The following NALCN variants were observed in gnomAD, a reference collection of about 807,000 sequenced individuals.
The protein encoded by NALCN is sodium leak channel, non-selective.
A neutral mutation model predicts 225.3 loss-of-function variants in NALCN; 111 were observed. That is an observed-to-expected ratio of 0.49 (90% CI 0.42 to 0.58). The LOEUF is 0.58. Among genes scored for constraint, NALCN ranks in the 20% least tolerant of loss-of-function variants. NALCN has a pLI of 0.00. For synonymous variants in NALCN, 764 were observed against 769.0 expected, an observed-to-expected ratio of 0.99 and a Z score of 0.11; for missense variants, 1,378 against 2,202.4, an observed-to-expected ratio of 0.63 and a Z score of 7.49.
intron 7 of NALCN, among the ~76,000 whole-genome samples, chr13:101,313,723 C>G (rs1362882150): frequency 1.3e-5 from 2 of 152,182 alleles, no homozygotes; most frequent in Non-Finnish European, 2.9e-5. Flanking sequence ...GGACTATAAA[C>G]TAGTTCAACC....
chr13:101,241,738 C>T (rs952010102), intron 11 of NALCN, among the ~76,000 whole-genome samples: 31 of 152,240 alleles, frequency 2.0e-4, no homozygotes, highest in African/African-American at 6.7e-4. Context: ...CCACCATGCC[C>T]GGCCAGAGAT....
chr13:101,070,770 G>A (rs1034708644), intron 37 of NALCN, among the ~76,000 whole-genome samples: 4 of 152,180 alleles, frequency 2.6e-5, no homozygotes, highest in Non-Finnish European at 5.9e-5. Context: ...AGCACAGGCA[G>A]GGTAGATTTA....
rs2043578475 is a variant in NALCN, at chr13:101,292,147, G to A, written c.943-53C>T. ...CAAAGTCTAAGAATGACAAAGCAGA[G>A]GGCAACCAAAACCAAACAAAAGATC... On this transcript the variant is annotated intron_variant, in intron 8 of 43. Coordinates refer to ENST00000251127, the MANE Select transcript of NALCN (RefSeq NM_052867.4). This position sits in a 1 kb window ranked among gnomAD's most constrained non-coding sequence, Gnocchi z 4.3. The A allele has an allele frequency of 6.2e-7, 1 of 1,612,074 alleles. No individual in the cohort carries two copies. The highest frequency in any genetic ancestry group is 8.5e-7 in the Non-Finnish European group (1 of 1,178,834).
In NALCN at chr13:101,107,873, A is replaced by G. The variant is rs115332418; in HGVS notation, c.2365-84T>C. 4.3e-3 allele frequency: 3,638 copies of G among 849,684 alleles called. 91 individuals carry two copies. The African/African-American group carries it at 0.053, about 12-fold the overall frequency. The allele number at this position is 849,684 out of a possible 1,614,324, so 52.6% of individuals were successfully genotyped here. A position where few individuals can be genotyped will look rare whatever the true frequency, so the allele number is the denominator to read the frequency against. On this transcript the variant is annotated intron_variant, in intron 20 of 43. Transcript: ENST00000251127. ...TTATCAGTTAAAAAACTTAAAACTA[A>G]TATCTCCCTCAATATAAAGTATAAA...
At chr13:101,078,484 A>T (rs1327028694) in intron 34 of NALCN, among the ~76,000 whole-genome samples, 2 of 152,162 alleles carry the variant, frequency 1.3e-5, no homozygotes, top group African/African-American at 2.4e-5. Flanking sequence ...GAGTCAAAGG[A>T]GATTATTTTG....
chr13:101,381,624 T>G (rs984035977), intron 3 of NALCN, among the ~76,000 whole-genome samples: 1 of 152,132 alleles, frequency 6.6e-6, no homozygotes, highest in Non-Finnish European at 1.5e-5. Flanking sequence ...TACTTCCTTC[T>G]TTCCCTCAGC....
At chr13:101,397,508 G>A (rs1230762910) in intron 2 of NALCN, among the ~76,000 whole-genome samples, 1 of 150,780 alleles carries the variant, frequency 6.6e-6, no homozygotes, top group African/African-American at 2.4e-5. Flanking sequence ...TATGCGACAT[G>A]TATATATGTT....
intron 10 of NALCN, among the ~76,000 whole-genome samples, 162 bp downstream of exon 10, chr13:101,283,771 A>G (rs1324450329): frequency 5.3e-5 from 8 of 152,034 alleles, no homozygotes; most frequent in African/African-American, 1.7e-4. Context: ...AAAAAAAAAA[A>G]AGCTAGGTCC....
chr13:101,107,354 C>A, intron 22 of NALCN, 133 bp downstream of exon 22: 4 of 1,447,970 alleles, frequency 2.8e-6, no homozygotes, highest in Non-Finnish European at 3.7e-6. Flanking sequence ...CAAAGAGGAG[C>A]AGCATGATTA....
At chr13:101,122,330 CT>C (rs569920197) in intron 18 of NALCN, among the ~76,000 whole-genome samples, 1 of 152,014 alleles carries the variant, frequency 6.6e-6, no homozygotes, top group Non-Finnish European at 1.5e-5. Flanking sequence ...CAAATTATGG[CT>C]TTTTATTTCC....
chr13:101,345,575 G>C (rs938384345), intron 6 of NALCN, among the ~76,000 whole-genome samples, 155 bp from the exon 7 acceptor site: 7 of 151,556 alleles, frequency 4.6e-5, no homozygotes, highest in Non-Finnish European at 8.8e-5. Flanking sequence ...ATAGGCAGGA[G>C]AATCCCTTGA....
rs535525944 is a variant in NALCN, at chr13:101,340,654, A to G, written c.799+4612T>C. 3.9e-5 allele frequency among the ~76,000 whole-genome samples: 6 copies of G among 152,322 alleles called. No homozygotes were observed. In the South Asian group the frequency reaches 1.2e-3, roughly 32 times the overall value. On this transcript the variant is annotated intron_variant, in intron 7 of 43. Transcript: ENST00000251127. ...ACTTTCCTAAGGCTGTCACACTAAT[A>G]TAAAGTGGAGTCATGATCTAAACCC... is the stretch of plus-strand genomic sequence containing the variant.
At chr13:101,168,859 G>A (rs564785780) in intron 15 of NALCN, among the ~76,000 whole-genome samples, 13 of 152,116 alleles carry the variant, frequency 8.5e-5, no homozygotes, top group African/African-American at 2.9e-4. Flanking sequence ...TCTTAGTGTC[G>A]AGAAAGCCAC....
chr13:101,381,737 T>G (rs75909859), intron 3 of NALCN, among the ~76,000 whole-genome samples: 116 of 151,970 alleles, frequency 7.6e-4, no homozygotes, highest in African/African-American at 2.7e-3. Context: ...CTGAATGAAA[T>G]AAAATATAAA....
chr13:101,336,745 T>C (rs1222246616), intron 7 of NALCN, among the ~76,000 whole-genome samples: 2 of 152,216 alleles, frequency 1.3e-5, no homozygotes, highest in African/African-American at 4.8e-5. Context: ...CAAAATCACC[T>C]TGTATAAATT....
chr13:101,320,529 T>A (rs2044707978), intron 7 of NALCN, among the ~76,000 whole-genome samples: 1 of 152,184 alleles, frequency 6.6e-6, no homozygotes, highest in Admixed American at 6.5e-5. Flanking sequence ...TTATTTGCAG[T>A]GCCATATAAA....
At chr13:101,300,614 C>T (rs574581841) in intron 7 of NALCN, among the ~76,000 whole-genome samples, 1 of 151,976 alleles carries the variant, frequency 6.6e-6, no homozygotes, top group African/African-American at 2.4e-5. Context: ...CACGCTCAGC[C>T]TCAAAAAAAT....
chr13:101,064,868 A>T (rs1452271444), intron 40 of NALCN, among the ~76,000 whole-genome samples: 2 of 152,160 alleles, frequency 1.3e-5, no homozygotes, highest in Non-Finnish European at 2.9e-5. Flanking sequence ...GAAGAAGAAA[A>T]GGCAGAGACT....
chr13:101,384,722 AT>A (rs2139447305), intron 3 of NALCN, among the ~76,000 whole-genome samples: 1 of 152,318 alleles, frequency 6.6e-6, no homozygotes, highest in East Asian at 1.9e-4. Context: ...ACAGACATGT[AT>A]CATCCAAATA....
Sources: allele counts gnomAD v4.1 joint callset (sites outside exome capture counted in the v4.1 genomes callset), GRCh38; gene constraint gnomAD v4.1.1; non-coding constraint Gnocchi (gnomAD v3.1); transcripts MANE v1.5; gene names NCBI Gene and HGNC (gene_info 2026-07-23, HGNC 2026-07-21).